LDLRAD4: variants seen among roughly 807,000 people sequenced by gnomAD.
LDLRAD4 encodes the protein low density lipoprotein receptor class A domain containing 4.
Under a neutral mutation model 17.0 loss-of-function variants are expected in LDLRAD4, and 5 were observed. The observed-to-expected ratio is 0.29, with a 90% CI of 0.15 to 0.62. The LOEUF is 0.62. Ranked by LOEUF, LDLRAD4 falls within the 20% of genes least tolerant of loss-of-function variation. The probability of loss-of-function intolerance (pLI) is 0.84; values close to 1 mark genes in which losing one functional copy is unlikely to be tolerated. For missense variants in LDLRAD4, 340 were observed against 424.7 expected (o/e 0.80, Z 1.75); for synonymous variants, 168 against 171.8 (o/e 0.98, Z 0.17).
At chr18:13,326,737 C>T (rs1316359239) in intron 1 of LDLRAD4, among the ~76,000 whole-genome samples, 1 of 151,974 alleles carries the variant, frequency 6.6e-6, no homozygotes, top group Non-Finnish European at 1.5e-5. Context: ...CTTGGCTTAA[C>T]TTTCCCTTTT....
intron 1 of LDLRAD4, among the ~76,000 whole-genome samples, chr18:13,350,337 A>T (rs973027669): frequency 2.0e-5 from 3 of 152,120 alleles, no homozygotes; most frequent in African/African-American, 7.2e-5. Context: ...CTTGTGTGAG[A>T]TGGTATCTCA....
chr18:13,402,010 A>C (rs2087260861), intron 2 of LDLRAD4, among the ~76,000 whole-genome samples: 1 of 152,216 alleles, frequency 6.6e-6, no homozygotes. Context: ...GCAGAGAATC[A>C]GTGGTGGCGC....
intron 1 of LDLRAD4, among the ~76,000 whole-genome samples, chr18:13,264,492 T>C (rs2044102928): frequency 6.6e-6 from 1 of 152,262 alleles, no homozygotes; most frequent in Admixed American, 6.5e-5. Context: ...CCTTTATGAG[T>C]TTAGCTAATG....
At chr18:13,545,633 C>T (rs989926722) in intron 3 of LDLRAD4, among the ~76,000 whole-genome samples, 3 of 152,136 alleles carry the variant, frequency 2.0e-5, no homozygotes, top group Admixed American at 6.5e-5. Flanking sequence ...CGGCCATGAG[C>T]AGTGCGGTTT....
rs374772175 is a variant in LDLRAD4 at position 13,590,219 on chromosome 18, G to T, written c.182-30898G>T. Among the ~76,000 whole-genome samples, 146 of 151,760 alleles carry T rather than the reference G, an allele frequency of 9.6e-4. 1 individual carries two copies. The highest frequency in any genetic ancestry group is 3.4e-3 in the African/African-American group (140 of 41,324). On this transcript the variant is annotated intron_variant, in intron 3 of 5. Coordinates refer to ENST00000359446, the Ensembl canonical transcript of LDLRAD4. Reference sequence around the variant, plus strand: ...TGGGTAAGGGTTTGTGTATGGGAGGGTGTGTGGGTATAAGTGTGTGCATGT... The same window carrying T: ...TGGGTAAGGGTTTGTGTATGGGAGGTTGTGTGGGTATAAGTGTGTGCATGT...
At chr18:13,234,124 C>T (rs576726362) in intron 1 of LDLRAD4, among the ~76,000 whole-genome samples, 29 of 152,352 alleles carry the variant, frequency 1.9e-4, no homozygotes, top group Non-Finnish European at 3.2e-4. Flanking sequence ...TGGGTTTCTG[C>T]GGGGCCTCTG....
At chr18:13,252,702 T>C (rs115816708) in intron 1 of LDLRAD4, among the ~76,000 whole-genome samples, 175 of 152,270 alleles carry the variant, frequency 1.1e-3, no homozygotes, top group African/African-American at 4.2e-3. Flanking sequence ...TTCCTGCCAG[T>C]GAGAGGAATG....
rs2091488824 is a variant in LDLRAD4, at chr18:13,447,426, T to G, written c.181+9042T>G. ...TGATCAATTAAAATCGTGTAGGGTCTTAAATGGTAATTCTGCCTTTTCAAA... is the reference window on the plus strand; with the variant it reads ...TGATCAATTAAAATCGTGTAGGGTCGTAAATGGTAATTCTGCCTTTTCAAA... On this transcript the variant is annotated intron_variant, in intron 3 of 5. Coordinates refer to ENST00000359446, the Ensembl canonical transcript of LDLRAD4. Among the ~76,000 whole-genome samples the G allele has an allele frequency of 1.3e-5, 2 of 151,878 alleles. 1 individual carries two copies. The highest frequency in any genetic ancestry group is 4.2e-4 in the South Asian group (2 of 4,798).
chr18:13,366,394 T>C (rs2084056913), intron 1 of LDLRAD4, among the ~76,000 whole-genome samples: 1 of 152,188 alleles, frequency 6.6e-6, no homozygotes, highest in Non-Finnish European at 1.5e-5. Flanking sequence ...TTCCTCCTGG[T>C]ATTGTTTCCC....
intron 3 of LDLRAD4, among the ~76,000 whole-genome samples, chr18:13,567,925 G>T (rs537117923): frequency 6.6e-6 from 1 of 152,266 alleles, no homozygotes; most frequent in East Asian, 1.9e-4. Flanking sequence ...GTCACTGTTA[G>T]GAATTGTGAG....
intron 1 of LDLRAD4, among the ~76,000 whole-genome samples, chr18:13,252,773 T>G (rs923390244): frequency 6.6e-6 from 1 of 152,214 alleles, no homozygotes; most frequent in African/African-American, 2.4e-5. Flanking sequence ...AGAACCAGCC[T>G]CACTTGCCGT....
At chr18:13,307,122 A>G (rs2046959596) in intron 1 of LDLRAD4, among the ~76,000 whole-genome samples, 1 of 152,208 alleles carries the variant, frequency 6.6e-6, no homozygotes, top group African/African-American at 2.4e-5. Flanking sequence ...GGGGAAGAAG[A>G]ATTGGTGCTG....
chr18:13,222,782 A>G (rs938770262), intron 1 of LDLRAD4, among the ~76,000 whole-genome samples: 9 of 152,006 alleles, frequency 5.9e-5, no homozygotes, highest in Admixed American at 5.9e-4. Context: ...CCCTGGCCCC[A>G]CCTCTGGTCC....
intron 1 of LDLRAD4, among the ~76,000 whole-genome samples, chr18:13,336,542 C>T (rs2082111314): frequency 6.6e-6 from 1 of 151,932 alleles, no homozygotes; most frequent in Non-Finnish European, 1.5e-5. Context: ...ATCCTTTTTC[C>T]TTTTCTTTTA....
chr18:13,623,917 C>T (rs534440191), intron 4 of LDLRAD4, among the ~76,000 whole-genome samples: 7 of 152,106 alleles, frequency 4.6e-5, no homozygotes, highest in Non-Finnish European at 8.8e-5. Context: ...ATTAGGGGAG[C>T]GATCTGATTC....
chr18:13,426,921 C>G (rs893577703), intron 2 of LDLRAD4, among the ~76,000 whole-genome samples: 1 of 152,166 alleles, frequency 6.6e-6, no homozygotes, highest in Non-Finnish European at 1.5e-5. Flanking sequence ...TGCAGTGGCT[C>G]ACGCCTGTAA....
At chr18:13,319,241 A>G (rs983514820) in intron 1 of LDLRAD4, among the ~76,000 whole-genome samples, 5 of 152,222 alleles carry the variant, frequency 3.3e-5, no homozygotes, top group Admixed American at 2.6e-4. Flanking sequence ...GTCGTAATGA[A>G]CAACACCCCT....
At chr18:13,524,859 A>T (rs1016883552) in intron 3 of LDLRAD4, among the ~76,000 whole-genome samples, 3 of 152,198 alleles carry the variant, frequency 2.0e-5, no homozygotes, top group African/African-American at 7.2e-5. Flanking sequence ...GAGTGACTTG[A>T]TCTTCTTGAT....
intron 4 of LDLRAD4, among the ~76,000 whole-genome samples, chr18:13,629,870 T>TCTTG (rs150935149): frequency 0.051 from 7,815 of 152,094 alleles, 613 homozygotes; most frequent in African/African-American, 0.17. Context: ...GGGGTCTGGC[T>TCTTG]CTTGGCAAAG....
Sources: gnomAD v4.1 joint callset for allele counts (sites outside exome capture counted in the v4.1 genomes callset) on GRCh38, gnomAD v4.1.1 for gene constraint, MANE v1.5 for transcripts, NCBI Gene and HGNC (gene_info 2026-07-23, HGNC 2026-07-21) for gene names.